Variants in RET observed in about 807,000 individuals in gnomAD.
The protein encoded by RET is proto-oncogene tyrosine-protein kinase receptor Ret.
A neutral mutation model predicts 118.3 loss-of-function variants in RET; 19 were observed. The ratio of observed to expected loss-of-function variants is 0.16; its 90% CI spans 0.11 to 0.24. The LOEUF (loss-of-function observed/expected upper bound fraction) is 0.24. Among genes scored for constraint, RET ranks in the 10% least tolerant of loss-of-function variants. The probability of loss-of-function intolerance (pLI) is 1.00; values close to 1 mark genes in which losing one functional copy is unlikely to be tolerated. For missense variants in RET, 1,219 were observed against 1,502.1 expected, an observed-to-expected ratio of 0.81 and a Z score of 3.12; for synonymous variants, 597 against 644.1, an observed-to-expected ratio of 0.93 and a Z score of 1.11.
Position 43,114,443 on chromosome 10 carries a change from C to A in RET, c.1880-37C>A, listed in dbSNP as rs759685115. On this transcript the variant is annotated intron_variant, in intron 10 of 19. Transcript: ENST00000355710. The surrounding 1 kb of genome is among the most constrained non-coding windows in gnomAD (Gnocchi z 4.6). ...GCCTGTACCCAGTGGTGCCGAGCCT[C>A]TGGCGGTGCCAAGCCTCACACCACC... is the stretch of plus-strand genomic sequence containing the variant. 6.2e-7 allele frequency: 1 copy of A among 1,603,098 alleles called. No individual in the cohort carries two copies. The highest frequency in any genetic ancestry group is 8.5e-7 in the Non-Finnish European group (1 of 1,179,902).
At chr10:43,080,200 T>C (rs987638637) in intron 1 of RET, among the ~76,000 whole-genome samples, 1 of 152,168 alleles carries the variant, frequency 6.6e-6, no homozygotes, top group African/African-American at 2.4e-5. Flanking sequence ...CAATTAAAAA[T>C]TATGATATCT....
chr10:43,121,973 A>G lies in RET; in HGVS notation c.2758A>G (p.Ile920Val), dbSNP rs527787676. ...QGRIPVKWMA[I>V]ESLFDHIYTT... ...TCGGATTCCAGTTAAATGGATGGCA[A>G]TTGAATCCCTTTTTGATCATATCTA... The change falls in exon 16 of 20, where the codon ATT (isoleucine) becomes GTT (valine). Residue 920 changes from isoleucine to valine, a missense_variant. Around this residue, in one of 5 missense-constraint regions of RET, gnomAD observed 73 missense variants for 156.5 expected, o/e 0.47. Transcript: ENST00000355710. 5.6e-6 allele frequency: 9 copies of G among 1,613,788 alleles called. No homozygotes were observed. In the African/African-American group the frequency reaches 8.0e-5, roughly 14 times the overall value.
At chr10:43,107,939 A>G (rs1316589920) in intron 5 of RET, among the ~76,000 whole-genome samples, 2 of 152,204 alleles carry the variant, frequency 1.3e-5, no homozygotes, top group Non-Finnish European at 2.9e-5. Flanking sequence ...ACTTCAGGTC[A>G]GTACAAAGGA....
In RET at chr10:43,114,666, C is replaced by T. The variant is rs989429215; in HGVS notation, c.2066C>T (p.Ser689Phe). 1.2e-6 allele frequency: 2 copies of T among 1,612,858 alleles called. No homozygotes were observed. Among genetic ancestry groups the T allele is most frequent in the Admixed American group, 1.7e-5 (1 of 60,004 alleles). ...PAQAFPVSYS[S>F]SGARRPSLDS... is the part of the protein sequence containing the mutation. ...CAGGCCTTCCCGGTCAGCTACTCCT[C>T]TTCCGGTGCCCGCCGGCCCTCGCTG... The change falls in exon 11 of 20, where the codon TCT (serine) becomes TTT (phenylalanine). Residue 689 changes from serine to phenylalanine, a missense_variant. Transcript: ENST00000355710. The surrounding 1 kb of genome is among the most constrained non-coding windows in gnomAD (Gnocchi z 4.6).
At chr10:43,110,455 T>A (rs1837889648) in intron 6 of RET, among the ~76,000 whole-genome samples, 1 of 152,092 alleles carries the variant, frequency 6.6e-6, no homozygotes, top group South Asian at 2.1e-4. Flanking sequence ...CCCGCCCCCA[T>A]CTCGCCATCT....
Position 43,106,472 on chromosome 10 carries a change from G to A in RET, c.964G>A (p.Asp322Asn), listed in dbSNP as rs1060500755. 8.7e-6 allele frequency: 14 copies of A among 1,613,572 alleles called. No individual in the cohort carries two copies. Among genetic ancestry groups the A allele is most frequent in the African/African-American group, 2.7e-5 (2 of 75,024 alleles). Residue 322 changes from aspartate (D) to asparagine (N), a missense_variant, in exon 5 of 20, where the codon GAC becomes AAC. Physicochemically the swap from Asp to Asn is conservative, Grantham distance 23. This residue lies in a region of RET where 850 missense variants were observed against 969.6 expected (regional missense o/e 0.88). Coordinates refer to ENST00000355710, the MANE Select transcript of RET (RefSeq NM_020975.6). This position sits in a 1 kb window ranked among gnomAD's most constrained non-coding sequence, Gnocchi z 5.1. ...RRYTSTLLPG[D>N]TWAQQTFRVE... Reference sequence around the variant, plus strand: ...GTACACAAGCACGCTGCTCCCCGGGGACACCTGGGCCCAGCAGACCTTCCG... The same window carrying A: ...GTACACAAGCACGCTGCTCCCCGGGAACACCTGGGCCCAGCAGACCTTCCG...
At chr10:43,111,110 G>C in intron 6 of RET, 97 bp from the exon 7 acceptor site, 1 of 1,567,034 alleles carries the variant, frequency 6.4e-7, no homozygotes. Flanking sequence ...CCAGTTGGGG[G>C]CTGTTCCAGG....
chr10:43,120,955 C>A (rs933986143), intron 15 of RET, among the ~76,000 whole-genome samples: 1 of 152,046 alleles, frequency 6.6e-6, no homozygotes, highest in Non-Finnish European at 1.5e-5. Flanking sequence ...AAAAAAAAAA[C>A]CACAAAAGGC....
chr10:43,116,935 T>C (rs1838087181), intron 12 of RET, among the ~76,000 whole-genome samples: 1 of 152,240 alleles, frequency 6.6e-6, no homozygotes, highest in African/African-American at 2.4e-5. Flanking sequence ...TCTAGAGGTG[T>C]TGCTGTGCCA....
At chr10:43,125,137 C>T (rs1484884610) in intron 18 of RET, among the ~76,000 whole-genome samples, 155 bp downstream of exon 18, 3 of 152,210 alleles carry the variant, frequency 2.0e-5, no homozygotes, top group Non-Finnish European at 4.4e-5. Flanking sequence ...TGCATGCAGA[C>T]AGCAGATTGA....
intron 1 of RET, among the ~76,000 whole-genome samples, chr10:43,100,134 C>T (rs1490585688): frequency 6.6e-6 from 1 of 152,198 alleles, no homozygotes; most frequent in Non-Finnish European, 1.5e-5. Flanking sequence ...ACATGGGTGG[C>T]AGTGTCTCCT....
intron 1 of RET, among the ~76,000 whole-genome samples, chr10:43,097,882 A>G (rs1362145829): frequency 1.3e-5 from 2 of 151,804 alleles, no homozygotes; most frequent in African/African-American, 4.8e-5. Context: ...CAGCGACCTC[A>G]AGCAGCAACC....
chr10:43,102,642 C>T lies in RET; in HGVS notation c.625+13C>T, dbSNP rs961333253. On this transcript the variant is annotated intron_variant, in intron 3 of 19. Transcript: ENST00000355710. Reference sequence around the variant, plus strand: ...AGGCTCCTGGAGGGTGAGTGCCGACCTTGTGGGGCCGCCCCACAGTGCCTG... The same window carrying T: ...AGGCTCCTGGAGGGTGAGTGCCGACTTTGTGGGGCCGCCCCACAGTGCCTG... The T allele has an allele frequency of 1.4e-5, 23 of 1,613,674 alleles. No homozygotes were observed. The highest frequency in any genetic ancestry group is 1.9e-5 in the Non-Finnish European group (23 of 1,180,046).
intron 16 of RET, among the ~76,000 whole-genome samples, chr10:43,123,076 G>C (rs1838254220): frequency 6.6e-6 from 1 of 152,202 alleles, no homozygotes; most frequent in Admixed American, 6.5e-5. Flanking sequence ...GCCCTCTGGT[G>C]TGCTCCGTGG....
At chr10:43,125,083 G>C in intron 18 of RET, 101 bp downstream of exon 18, 7 of 1,023,526 alleles carry the variant, frequency 6.8e-6, no homozygotes, top group Non-Finnish European at 1.1e-5. Flanking sequence ...CCCAGTGTGG[G>C]GCCACAGTGG....
At chr10:43,119,367 C>T (rs1473792220) in intron 13 of RET, among the ~76,000 whole-genome samples, 164 bp from the exon 14 acceptor site, 1 of 152,174 alleles carries the variant, frequency 6.6e-6, no homozygotes, top group Non-Finnish European at 1.5e-5. Context: ...TCAAGGTCTG[C>T]GCTCTCCACA....
chr10:43,104,063 G>A (rs988078392), intron 3 of RET, among the ~76,000 whole-genome samples: 3 of 152,334 alleles, frequency 2.0e-5, no homozygotes, highest in East Asian at 3.9e-4. Context: ...TGCAGGGCAC[G>A]GAGCATTCGC....
rs2132663899 is a variant in RET, at chr10:43,100,672, A to C, written c.287A>C (p.Tyr96Ser). 6.2e-7 allele frequency: 1 copy of C among 1,610,706 alleles called. No individual in the cohort carries two copies. The highest frequency in any genetic ancestry group is 8.5e-7 in the Non-Finnish European group (1 of 1,178,664). The change falls in exon 2 of 20, where the codon TAC becomes TCC. Residue 96 changes from tyrosine (Y) to serine (S), a missense_variant. Transcript: ENST00000355710. ...ATCCAGGAGGACACCGGCCTCCTCT[A>C]CCTTAACCGGAGCCTGGACCATAGC... ...ICIQEDTGLL[Y>S]LNRSLDHSSW...
chr10:43,111,151 G>A (rs1837909787), intron 6 of RET, 56 bp from the exon 7 acceptor site: 1 of 1,607,344 alleles, frequency 6.2e-7, no homozygotes, highest in Non-Finnish European at 8.5e-7. Context: ...TCTACCCTCA[G>A]GCCATTACAG....
Sources: gnomAD v4.1 joint callset for allele counts (sites outside exome capture counted in the v4.1 genomes callset) on GRCh38, gnomAD v4.1.1 for gene constraint, gnomAD v4.1.1 regional missense constraint, Gnocchi (gnomAD v3.1) non-coding constraint, MANE v1.5 for transcripts, NCBI Gene and HGNC (gene_info 2026-07-23, HGNC 2026-07-21) for gene names.